PDE1C: variants seen among roughly 807,000 people sequenced by gnomAD.
PDE1C encodes dual specificity calcium/calmodulin-dependent 3',5'-cyclic nucleotide phosphodiesterase 1C.
A neutral mutation model predicts 93.1 loss-of-function variants in PDE1C; 62 were observed. That is an observed-to-expected ratio of 0.67 (90% CI 0.54 to 0.82). PDE1C has a LOEUF of 0.82. Among genes scored for constraint, PDE1C ranks in the 40% least tolerant of loss-of-function variants. The pLI is 0.00. For synonymous variants in PDE1C, 325 were observed against 310.1 expected (o/e 1.05, Z -0.50); for missense variants, 742 against 884.6 (o/e 0.84, Z 2.04).
the PDE1C span, chr7:31,652,917 G>T: frequency 6.5e-7 from 1 of 1,537,606 alleles, no homozygotes; most frequent in Non-Finnish European, 8.8e-7. Flanking sequence ...CAAGGAGAAG[G>T]GTCTGCCAAC....
At chr7:32,380,388 C>A (rs1191654100) in intron 1 of PDE1C, among the ~76,000 whole-genome samples, 1 of 148,134 alleles carries the variant, frequency 6.8e-6, no homozygotes. Flanking sequence ...TAGGCGCATG[C>A]CACCATGCCC....
At chr7:31,999,293 T>TA (rs1785154185) in intron 2 of PDE1C, among the ~76,000 whole-genome samples, 1 of 152,196 alleles carries the variant, frequency 6.6e-6, no homozygotes, top group African/African-American at 2.4e-5. Context: ...AAAATGCAGA[T>TA]ACATTAATAT....
At chr7:31,660,922 C>A in the PDE1C span, among the ~76,000 whole-genome samples, 1 of 151,526 alleles carries the variant, frequency 6.6e-6, no homozygotes, top group East Asian at 1.9e-4. Flanking sequence ...CATATATGTA[C>A]ACACACATAT....
At chr7:31,715,971 G>A in the PDE1C span, among the ~76,000 whole-genome samples, 1 of 152,194 alleles carries the variant, frequency 6.6e-6, no homozygotes, top group Admixed American at 6.5e-5. Context: ...TTTGCCATGA[G>A]TTTTGCTGGG....
intron 1 of PDE1C, among the ~76,000 whole-genome samples, chr7:32,240,058 T>C (rs2128868947): frequency 6.6e-6 from 1 of 152,330 alleles, no homozygotes; most frequent in South Asian, 2.1e-4. Context: ...GTTAGAGGTT[T>C]GTTTGTGTGG....
chr7:32,102,111 T>C (rs771890376), intron 3 of PDE1C, among the ~76,000 whole-genome samples: 1 of 152,182 alleles, frequency 6.6e-6, no homozygotes, highest in South Asian at 2.1e-4. Context: ...ATCTTCAACA[T>C]TGAAGGTCAC....
At chr7:32,111,419 T>C (rs1212200093) in intron 3 of PDE1C, among the ~76,000 whole-genome samples, 1 of 152,200 alleles carries the variant, frequency 6.6e-6, no homozygotes, top group Non-Finnish European at 1.5e-5. Context: ...GGATTGGTTA[T>C]ATGAAACTTG....
chr7:31,829,367 G>T (rs1790094274), intron 11 of PDE1C, among the ~76,000 whole-genome samples: 1 of 152,098 alleles, frequency 6.6e-6, no homozygotes, highest in African/African-American at 2.4e-5. Context: ...CCAACAGGTG[G>T]CTCTAATATT....
At chr7:32,098,229 CAAAAA>C (rs60146342) in intron 3 of PDE1C, among the ~76,000 whole-genome samples, 2 of 46,290 alleles carry the variant, frequency 4.3e-5, no homozygotes, top group African/African-American at 8.4e-5. Context: ...GACTCCGTCT[CAAAAA>C]AAAAAAAAAA....
chr7:31,743,906 T>A, the PDE1C span, among the ~76,000 whole-genome samples: 11 of 152,106 alleles, frequency 7.2e-5, 1 homozygote, highest in Admixed American at 5.9e-4. Flanking sequence ...CATGGGCTGC[T>A]ATATCTCCAG....
chr7:32,110,559 T>C (rs1366670935), intron 3 of PDE1C, among the ~76,000 whole-genome samples: 6 of 152,182 alleles, frequency 3.9e-5, no homozygotes, highest in African/African-American at 1.2e-4. Flanking sequence ...CAATGAATCA[T>C]CATCCCTCAA....
intron 2 of PDE1C, among the ~76,000 whole-genome samples, chr7:31,904,415 A>C (rs1187996938): frequency 1.3e-5 from 2 of 152,122 alleles, no homozygotes; most frequent in African/African-American, 4.8e-5. Context: ...AGAGTCCTAA[A>C]ACAATTGTTA....
At chr7:32,426,432 C>T (rs1562719693) in intron 1 of PDE1C, among the ~76,000 whole-genome samples, 1 of 152,090 alleles carries the variant, frequency 6.6e-6, no homozygotes, top group African/African-American at 2.4e-5. Context: ...CACCATCATG[C>T]CCAGCCAGTG....
intron 2 of PDE1C, among the ~76,000 whole-genome samples, chr7:32,036,401 C>G (rs79567292): frequency 0.041 from 6,202 of 152,114 alleles, 150 homozygotes; most frequent in Middle Eastern, 0.089. Context: ...CAATGCCCTA[C>G]GTTTCACCTT....
chr7:32,357,497 C>T (rs1436217635), intron 1 of PDE1C, among the ~76,000 whole-genome samples: 2 of 152,152 alleles, frequency 1.3e-5, no homozygotes, highest in Non-Finnish European at 2.9e-5. Context: ...CAGAATGGAA[C>T]CATTTTAACA....
intron 3 of PDE1C, among the ~76,000 whole-genome samples, chr7:32,154,609 G>T (rs544107461): frequency 6.6e-6 from 1 of 152,252 alleles, no homozygotes; most frequent in Admixed American, 6.5e-5. Context: ...TTGCAGAAAA[G>T]AAAACTGAGT....
intron 2 of PDE1C, among the ~76,000 whole-genome samples, chr7:31,965,590 T>C (rs1809794703): frequency 6.6e-6 from 1 of 152,038 alleles, no homozygotes; most frequent in Non-Finnish European, 1.5e-5. Context: ...AACATCCAAA[T>C]TCAGGAAATA....
chr7:31,707,346 A>T, the PDE1C span: 381 of 1,373,368 alleles, frequency 2.8e-4, 2 homozygotes, highest in South Asian at 4.5e-3. Context: ...GACCTAGAGA[A>T]AAAATAGACT....
At chr7:32,230,582 C>A (rs1252865286) in intron 1 of PDE1C, among the ~76,000 whole-genome samples, 1 of 152,164 alleles carries the variant, frequency 6.6e-6, no homozygotes, top group Non-Finnish European at 1.5e-5. Context: ...TGCCTGAAAT[C>A]ACTCAACTGA....
Sources: gnomAD v4.1 joint callset for allele counts (sites outside exome capture counted in the v4.1 genomes callset) on GRCh38, gnomAD v4.1.1 for gene constraint, MANE v1.5 for transcripts, NCBI Gene and HGNC (gene_info 2026-07-23, HGNC 2026-07-21) for gene names.